AQP7B: variants seen among roughly 807,000 people sequenced by gnomAD.
AQP7B encodes aquaporin 7B, also known as putative aquaporin-7B.
chr2:94,588,604 T>G, the AQP7B span: 2 of 701,578 alleles, frequency 2.9e-6, no homozygotes, highest in Non-Finnish European at 5.0e-6. Context: ...CCAGCCCACT[T>G]CAGTGCCCTC....
At chr2:94,589,994 C>T in the AQP7B span, among the ~76,000 whole-genome samples, 9 of 152,286 alleles carry the variant, frequency 5.9e-5, no homozygotes, top group East Asian at 1.2e-3. Context: ...GGCCACCACC[C>T]GCCCATTCTT....
At chr2:94,603,101 G>A in the AQP7B span, 2 of 1,580,488 alleles carry the variant, frequency 1.3e-6, no homozygotes, top group South Asian at 1.1e-5. Context: ...CCTGGAGGAA[G>A]TTTCCAGTCC....
the AQP7B span, among the ~76,000 whole-genome samples, chr2:94,587,709 C>T: frequency 2.0e-5 from 3 of 152,192 alleles, no homozygotes; most frequent in East Asian, 1.9e-4. Flanking sequence ...TATCAGCAGA[C>T]CATGGGGGTG....
the AQP7B span, among the ~76,000 whole-genome samples, chr2:94,590,542 G>A: frequency 8.9e-3 from 1,355 of 152,196 alleles, 17 homozygotes; most frequent in African/African-American, 0.031. Context: ...TTGTTGGCTC[G>A]TGGTTAGTTG....
chr2:94,588,688 C>G, the AQP7B span: 1 of 636,286 alleles, frequency 1.6e-6, no homozygotes, highest in Non-Finnish European at 2.8e-6. Context: ...CACCCACTCA[C>G]CTCTGAGGTC....
chr2:94,595,860 G>A, the AQP7B span, among the ~76,000 whole-genome samples: 2 of 152,198 alleles, frequency 1.3e-5, no homozygotes, highest in Non-Finnish European at 2.9e-5. Context: ...TTAAACACAG[G>A]CAAGGGGCTG....
At chr2:94,594,371 A>G in the AQP7B span, among the ~76,000 whole-genome samples, 3 of 152,232 alleles carry the variant, frequency 2.0e-5, no homozygotes, top group Admixed American at 6.5e-5. Flanking sequence ...ATGGACAGAC[A>G]TAGACAACTG....
chr2:94,603,653 C>T, the AQP7B span: 5 of 1,311,090 alleles, frequency 3.8e-6, no homozygotes, highest in African/African-American at 5.9e-5. Flanking sequence ...TGGGCCACTG[C>T]CGATGTCCTG....
At chr2:94,594,773 G>C in the AQP7B span, 3 of 1,580,340 alleles carry the variant, frequency 1.9e-6, no homozygotes, top group Non-Finnish European at 1.7e-6. Flanking sequence ...ATGGTCTCCT[G>C]GTCCGTGATA....
the AQP7B span, among the ~76,000 whole-genome samples, chr2:94,590,817 TC>T: frequency 6.6e-6 from 1 of 150,974 alleles, no homozygotes; most frequent in Non-Finnish European, 1.5e-5. Flanking sequence ...GGTGGCATGC[TC>T]CTGTAGTCCC....
At chr2:94,604,627 C>T in the AQP7B span, 1 of 1,475,656 alleles carries the variant, frequency 6.8e-7, no homozygotes, top group African/African-American at 1.4e-5. Flanking sequence ...GCTTGTCCCA[C>T]AGCAGTACCC....
At chr2:94,590,144 T>C in the AQP7B span, among the ~76,000 whole-genome samples, 1 of 152,156 alleles carries the variant, frequency 6.6e-6, no homozygotes, top group Non-Finnish European at 1.5e-5. Context: ...GTTTTGACTT[T>C]GTATCCCTGG....
the AQP7B span, among the ~76,000 whole-genome samples, chr2:94,597,982 G>A: frequency 6.0e-4 from 91 of 152,258 alleles, 2 homozygotes; most frequent in African/African-American, 2.0e-3. Context: ...AGACTGGCTT[G>A]TTAATGCTCC....
At chr2:94,602,980 T>A in the AQP7B span, 1 of 1,524,702 alleles carries the variant, frequency 6.6e-7, no homozygotes, top group Non-Finnish European at 8.9e-7. Context: ...CTCATACTGT[T>A]TGTCACTGTT....
chr2:94,590,944 CAAAA>C, the AQP7B span, among the ~76,000 whole-genome samples: 12 of 49,082 alleles, frequency 2.4e-4, no homozygotes, highest in Non-Finnish European at 3.7e-4. Context: ...GACCCTGTCT[CAAAA>C]AAAAAAAAAA....
chr2:94,602,732 G>A, the AQP7B span: 103 of 1,122,502 alleles, frequency 9.2e-5, no homozygotes, highest in Admixed American at 5.4e-4. Flanking sequence ...CCTGGCCACC[G>A]GGCAGGAGGA....
At chr2:94,591,955 C>A in the AQP7B span, among the ~76,000 whole-genome samples, 1 of 152,090 alleles carries the variant, frequency 6.6e-6, no homozygotes, top group East Asian at 1.9e-4. Context: ...TTTCTTCCCA[C>A]GGGCTGGATT....
At chr2:94,591,887 A>G in the AQP7B span, among the ~76,000 whole-genome samples, 1 of 151,578 alleles carries the variant, frequency 6.6e-6, no homozygotes, top group African/African-American at 2.4e-5. Flanking sequence ...CACAGTGCCC[A>G]CTCTTTCAGC....
At chr2:94,603,530 C>A in the AQP7B span, 2 of 1,587,196 alleles carry the variant, frequency 1.3e-6, no homozygotes, top group Admixed American at 1.7e-5. Context: ...GTACCCCTCC[C>A]CCTGCCCTCC....
Sources: gnomAD v4.1 joint callset for allele counts (sites outside exome capture counted in the v4.1 genomes callset) on GRCh38, gnomAD v4.1.1 for gene constraint, MANE v1.5 for transcripts, NCBI Gene and HGNC (gene_info 2026-07-23, HGNC 2026-07-21) for gene names.